STARD13: variants seen among roughly 807,000 people sequenced by gnomAD.
STARD13 encodes stAR-related lipid transfer protein 13.
A neutral mutation model predicts 106.4 loss-of-function variants in STARD13; 62 were observed. That is an observed-to-expected ratio of 0.58 (90% CI 0.48 to 0.72). The LOEUF is 0.72. Among genes scored for constraint, STARD13 ranks in the 30% least tolerant of loss-of-function variants. The pLI is 0.00. For synonymous variants in STARD13, 565 were observed against 553.0 expected (o/e 1.02, Z -0.31); for missense variants, 1,387 against 1,424.0 (o/e 0.97, Z 0.42).
the STARD13 span, among the ~76,000 whole-genome samples, chr13:33,595,764 T>G: frequency 6.6e-6 from 1 of 152,216 alleles, no homozygotes; most frequent in Admixed American, 6.5e-5. Context: ...GCATGGTTTT[T>G]AGCAATTATG....
chr13:33,278,608 C>T (rs1355197346), intron 1 of STARD13: 3 of 152,152 alleles, frequency 2.0e-5, no homozygotes, highest in Admixed American at 1.3e-4. Context: ...AAATTCCTCT[C>T]ATAGGTCAAG....
Position 33,111,721 on chromosome 13 carries a change from C to T in STARD13, c.2607+57G>A, listed in dbSNP as rs547026349. ...CCATAAATGTAGCAACAATCCCAAG[C>T]GTCTTATCTAGTTCCAAGAGCTACT... On this transcript the variant is annotated intron_variant, in intron 10 of 13. Transcript: ENST00000336934. The T allele has an allele frequency of 3.7e-4, 376 of 1,006,160 alleles. 1 individual carries two copies. In the Middle Eastern group the frequency reaches 4.5e-3, roughly 12 times the overall value. The allele number at this position is 1,006,160 out of a possible 1,614,324, so 62.3% of individuals were successfully genotyped here. A position where few individuals can be genotyped will look rare whatever the true frequency, so the allele number is the denominator to read the frequency against.
chr13:33,140,205 A>T (rs1202058007), intron 4 of STARD13, among the ~76,000 whole-genome samples: 1 of 151,914 alleles, frequency 6.6e-6, no homozygotes, highest in East Asian at 1.9e-4. Flanking sequence ...AAATCCAATC[A>T]CTCCACTGTG....
the STARD13 span, among the ~76,000 whole-genome samples, chr13:33,477,040 T>C: frequency 2.0e-5 from 3 of 152,186 alleles, no homozygotes; most frequent in African/African-American, 7.2e-5. Flanking sequence ...TTTTGACAGA[T>C]AAAATTAGTT....
intron 1 of STARD13, among the ~76,000 whole-genome samples, chr13:33,328,716 G>A (rs2077803789): frequency 6.6e-6 from 1 of 152,180 alleles, no homozygotes; most frequent in Admixed American, 6.5e-5. Context: ...CCAAATAGGG[G>A]CCCTTGAGTC....
At chr13:33,417,153 C>T in the STARD13 span, among the ~76,000 whole-genome samples, 1 of 152,046 alleles carries the variant, frequency 6.6e-6, no homozygotes, top group Non-Finnish European at 1.5e-5. Flanking sequence ...AGAAAAATGC[C>T]AATCAAAACC....
chr13:33,579,628 G>A, the STARD13 span, among the ~76,000 whole-genome samples: 4 of 149,360 alleles, frequency 2.7e-5, no homozygotes, highest in African/African-American at 9.8e-5. Flanking sequence ...AAAAGCTATT[G>A]AAATATCATA....
At chr13:33,307,596 G>A (rs1000073276) in intron 1 of STARD13, among the ~76,000 whole-genome samples, 11 of 152,126 alleles carry the variant, frequency 7.2e-5, no homozygotes, top group African/African-American at 2.7e-4. Flanking sequence ...CTTATGAGTG[G>A]GAGCTGGACA....
At chr13:33,213,197 C>T (rs966920105) in intron 1 of STARD13, among the ~76,000 whole-genome samples, 6 of 151,994 alleles carry the variant, frequency 3.9e-5, no homozygotes, top group Non-Finnish European at 8.8e-5. Flanking sequence ...TTGAAAATGT[C>T]GGCAATGCCT....
the STARD13 span, among the ~76,000 whole-genome samples, chr13:33,424,491 A>G: frequency 2.0e-5 from 3 of 152,192 alleles, no homozygotes; most frequent in Non-Finnish European, 4.4e-5. Context: ...TAGTTATGAA[A>G]AAAGGAATCC....
the STARD13 span, among the ~76,000 whole-genome samples, chr13:33,571,343 G>GT: frequency 6.6e-6 from 1 of 152,140 alleles, no homozygotes; most frequent in African/African-American, 2.4e-5. Context: ...CATAAAATTA[G>GT]TATCTCAATT....
intron 1 of STARD13, among the ~76,000 whole-genome samples, chr13:33,262,005 C>T (rs1457745972): frequency 6.6e-6 from 1 of 152,160 alleles, no homozygotes; most frequent in African/African-American, 2.4e-5. Context: ...GATGCTTCAT[C>T]TAAATGAACA....
chr13:33,271,652 G>C (rs984465825), intron 1 of STARD13: 1 of 152,232 alleles, frequency 6.6e-6, no homozygotes, highest in Non-Finnish European at 1.5e-5. Flanking sequence ...TTGGGAAGCA[G>C]AGTTCTTGAT....
At chr13:33,338,533 C>T (rs564403709) in intron 1 of STARD13, among the ~76,000 whole-genome samples, 1 of 151,972 alleles carries the variant, frequency 6.6e-6, no homozygotes, top group African/African-American at 2.4e-5. Context: ...TGGATCGATA[C>T]GAGATGCTGC....
At chr13:33,601,740 A>T in the STARD13 span, among the ~76,000 whole-genome samples, 2,422 of 152,084 alleles carry the variant, frequency 0.016, 77 homozygotes, top group African/African-American at 0.055. Context: ...CCTCCTCACC[A>T]TGCCTACCTG....
At chr13:33,188,398 TTGAA>T (rs556095346) in intron 1 of STARD13, 39 of 152,292 alleles carry the variant, frequency 2.6e-4, no homozygotes, top group African/African-American at 8.9e-4. Context: ...ATAGTGAACA[TTGAA>T]TGAGTCATAC....
At chr13:33,332,853 A>G (rs946383594) in intron 1 of STARD13, among the ~76,000 whole-genome samples, 12 of 152,192 alleles carry the variant, frequency 7.9e-5, no homozygotes, top group African/African-American at 2.9e-4. Flanking sequence ...GTTGTGTTCA[A>G]CACTGAATCC....
chr13:33,625,848 C>A, the STARD13 span, among the ~76,000 whole-genome samples: 1 of 152,002 alleles, frequency 6.6e-6, no homozygotes, highest in Non-Finnish European at 1.5e-5. Context: ...ACTATAGGTT[C>A]TCGCCACCAT....
the STARD13 span, among the ~76,000 whole-genome samples, chr13:33,375,348 G>A: frequency 1.3e-5 from 2 of 152,120 alleles, no homozygotes; most frequent in African/African-American, 2.4e-5. Flanking sequence ...GAATAGATGA[G>A]GAGGAAAAGT....
Sources: gnomAD v4.1 joint callset for allele counts (sites outside exome capture counted in the v4.1 genomes callset) on GRCh38, gnomAD v4.1.1 for gene constraint, MANE v1.5 for transcripts, NCBI Gene and HGNC (gene_info 2026-07-23, HGNC 2026-07-21) for gene names.